Variants in CASD1 observed in about 807,000 individuals in gnomAD.
The protein encoded by CASD1 is N-acetylneuraminate (7)9-O-acetyltransferase.
A neutral mutation model predicts 100.0 loss-of-function variants in CASD1; 41 were observed. That is an observed-to-expected ratio of 0.41 (90% CI 0.32 to 0.53). The LOEUF (loss-of-function observed/expected upper bound fraction) is 0.53. Ranked by LOEUF, CASD1 falls within the 20% of genes least tolerant of loss-of-function variation. The probability of loss-of-function intolerance (pLI) is 0.25; values close to 1 mark genes in which losing one functional copy is unlikely to be tolerated. For synonymous variants in CASD1, 321 were observed against 315.6 expected, an observed-to-expected ratio of 1.02 and a Z score of -0.18; for missense variants, 774 against 948.7, an observed-to-expected ratio of 0.82 and a Z score of 2.42.
intron 14 of CASD1, 108 bp from the exon 15 acceptor site, chr7:94,551,230 A>C: frequency 2.5e-6 from 2 of 796,184 alleles, no homozygotes; most frequent in South Asian, 2.1e-5. Context: ...TCAAACTTTA[A>C]GCTTTTAACC....
intron 3 of CASD1, among the ~76,000 whole-genome samples, chr7:94,520,870 T>A (rs1584381650): frequency 6.6e-6 from 1 of 151,870 alleles, no homozygotes; most frequent in East Asian, 1.9e-4. Context: ...GGTGGGCGGA[T>A]CACCTGAGGT....
At chr7:94,526,468 G>A (rs1261106344) in intron 3 of CASD1, among the ~76,000 whole-genome samples, 1 of 152,206 alleles carries the variant, frequency 6.6e-6, no homozygotes, top group Non-Finnish European at 1.5e-5. Flanking sequence ...AGAAAATGAA[G>A]GGAAGCAGTC....
At chr7:94,578,252 T>TA in the CASD1 span, among the ~76,000 whole-genome samples, 1 of 152,226 alleles carries the variant, frequency 6.6e-6, no homozygotes, top group Non-Finnish European at 1.5e-5. Context: ...AATTGCATGT[T>TA]ATTTTTCTAC....
the CASD1 span, chr7:94,599,947 T>C: frequency 1.5e-5 from 6 of 401,976 alleles, no homozygotes; most frequent in Non-Finnish European, 2.7e-5. Context: ...AAAATGGAGA[T>C]TAAGAATCAA....
At chr7:94,586,077 A>C in the CASD1 span, among the ~76,000 whole-genome samples, 11 of 150,456 alleles carry the variant, frequency 7.3e-5, no homozygotes, top group Middle Eastern at 3.5e-3. Flanking sequence ...AAAAAAAAAA[A>C]AAAAAAAAAA....
At chr7:94,532,157 C>G (rs1377649476) in intron 5 of CASD1, among the ~76,000 whole-genome samples, 1 of 151,810 alleles carries the variant, frequency 6.6e-6, no homozygotes, top group East Asian at 1.9e-4. Flanking sequence ...GTTCCAAGAC[C>G]CTAGCATGTG....
chr7:94,581,739 T>C, the CASD1 span, among the ~76,000 whole-genome samples: 1 of 152,236 alleles, frequency 6.6e-6, no homozygotes, highest in Non-Finnish European at 1.5e-5. Context: ...TAGTCCATGG[T>C]GTATATGTAC....
the CASD1 span, among the ~76,000 whole-genome samples, chr7:94,584,576 T>C: frequency 6.6e-6 from 1 of 152,186 alleles, no homozygotes; most frequent in African/African-American, 2.4e-5. Context: ...GATTTTGGAA[T>C]TTTTGTGACC....
At chr7:94,629,292 A>C in the CASD1 span, 3 of 160,018 alleles carry the variant, frequency 1.9e-5, no homozygotes, top group African/African-American at 7.2e-5. Context: ...GAGTTATATA[A>C]AATTATCTCC....
chr7:94,583,438 A>C, the CASD1 span, among the ~76,000 whole-genome samples: 3 of 152,160 alleles, frequency 2.0e-5, no homozygotes, highest in East Asian at 5.8e-4. Context: ...ACTAAGGTCA[A>C]TGTTTAAAAG....
At chr7:94,604,286 C>G in the CASD1 span, among the ~76,000 whole-genome samples, 1 of 151,922 alleles carries the variant, frequency 6.6e-6, no homozygotes, top group African/African-American at 2.4e-5. Context: ...TTCATAATGA[C>G]AATGCTAGGA....
the CASD1 span, chr7:94,594,567 T>G: frequency 6.6e-6 from 1 of 151,986 alleles, no homozygotes; most frequent in Admixed American, 6.6e-5. Context: ...AAAAGGACAT[T>G]AGTGGAAAAA....
At chr7:94,545,476 G>T in intron 11 of CASD1, 69 bp from the exon 12 acceptor site, 1 of 1,204,216 alleles carries the variant, frequency 8.3e-7, no homozygotes, top group Non-Finnish European at 1.2e-6. Flanking sequence ...ATCTGCCTTT[G>T]CTGTTCGTGT....
chr7:94,533,817 A>G lies in CASD1; in HGVS notation c.628+15A>G. The G allele has an allele frequency of 6.5e-7, 1 of 1,529,138 alleles. No homozygotes were observed. The highest frequency in any genetic ancestry group is 1.3e-5 in the South Asian group (1 of 76,072). 94.7% of individuals were successfully genotyped at this position (1,529,138 alleles called of 1,614,324 possible). ...GGTCTTACAAGGTAAGGAATGAGTA[A>G]TGAAAAAATGTCACTTTGTGTATAT... On this transcript the variant is annotated intron_variant, in intron 7 of 17. Transcript: ENST00000297273.
At chr7:94,593,652 C>T in the CASD1 span, among the ~76,000 whole-genome samples, 2 of 151,948 alleles carry the variant, frequency 1.3e-5, no homozygotes, top group Non-Finnish European at 2.9e-5. Context: ...AACCTCTCCA[C>T]ACCATTTTCC....
chr7:94,525,734 C>T (rs940465987), intron 3 of CASD1, among the ~76,000 whole-genome samples: 2 of 152,120 alleles, frequency 1.3e-5, no homozygotes, highest in Non-Finnish European at 2.9e-5. Flanking sequence ...CTTAAAGTTT[C>T]ACTGAACTAA....
chr7:94,535,153 T>C (rs1584406674), intron 7 of CASD1, among the ~76,000 whole-genome samples, 156 bp from the exon 8 acceptor site: 2 of 152,188 alleles, frequency 1.3e-5, no homozygotes, highest in East Asian at 1.9e-4. Context: ...TTGCAAACTT[T>C]GGGAAGCTTT....
chr7:94,536,993 T>C (rs1048159761), intron 8 of CASD1, among the ~76,000 whole-genome samples: 1 of 152,178 alleles, frequency 6.6e-6, no homozygotes, highest in Non-Finnish European at 1.5e-5. Flanking sequence ...TTGTGCTTTT[T>C]TTCCCCCACA....
chr7:94,526,157 C>T (rs941762948), intron 3 of CASD1, among the ~76,000 whole-genome samples: 2 of 152,204 alleles, frequency 1.3e-5, no homozygotes, highest in Non-Finnish European at 2.9e-5. Context: ...CTAGATGTTG[C>T]TACAGCAACA....
Sources: allele counts gnomAD v4.1 joint callset (sites outside exome capture counted in the v4.1 genomes callset), GRCh38; gene constraint gnomAD v4.1.1; transcripts MANE v1.5; gene names NCBI Gene and HGNC (gene_info 2026-07-23, HGNC 2026-07-21).